The following LRP8 variants were observed in gnomAD, a reference collection of about 807,000 sequenced individuals.
LRP8 encodes low-density lipoprotein receptor-related protein 8.
Under a neutral mutation model 111.6 loss-of-function variants are expected in LRP8, and 46 were observed. That is an observed-to-expected ratio of 0.41 (90% CI 0.33 to 0.53). The LOEUF is 0.53. LRP8 is among the 20% of genes least tolerant of loss of function. LRP8 has a pLI of 0.20. For missense variants in LRP8, 959 were observed against 1,297.4 expected, an observed-to-expected ratio of 0.74 and a Z score of 4.01; for synonymous variants, 464 against 511.2, an observed-to-expected ratio of 0.91 and a Z score of 1.24.
chr1:53,326,778 C>A, intron 2 of LRP8, 95 bp downstream of exon 2: 1 of 1,501,450 alleles, frequency 6.7e-7, no homozygotes, highest in South Asian at 1.3e-5. Flanking sequence ...GCGCAGGTGG[C>A]AGCGCGGCGG....
At chr1:53,319,992 C>T (rs1654292417) in intron 2 of LRP8, among the ~76,000 whole-genome samples, 1 of 152,290 alleles carries the variant, frequency 6.6e-6, no homozygotes, top group African/African-American at 2.4e-5. Flanking sequence ...TGGCCCAGTC[C>T]TGCCACTGAC....
At position 53,264,324 on chromosome 1, in the gene LRP8, C is replaced by T. The variant is rs377087056; in HGVS notation, c.1500G>A (p.Glu500=). ...VLIDEQLHSP[E]GLAVDWVHKH... ...TGTGGACCCAGTCCACTGCCAGGCCCTCTGGAGAGTGCAACTGCTCGTCAA... is the reference window on the plus strand; with the variant it reads ...TGTGGACCCAGTCCACTGCCAGGCCTTCTGGAGAGTGCAACTGCTCGTCAA... The change falls in exon 10 of 19, where the codon GAG becomes GAA. Residue 500 remains glutamate (E), a synonymous_variant. Coordinates refer to ENST00000306052, the MANE Select transcript of LRP8 (RefSeq NM_004631.5). 110 of 1,614,040 alleles carry T rather than the reference C, an allele frequency of 6.8e-5. 1 individual carries two copies. The highest frequency in any genetic ancestry group is 9.2e-5 in the Non-Finnish European group (108 of 1,180,022).
At position 53,266,768 on chromosome 1, in the gene LRP8, A is replaced by G. The variant is rs916962379; in HGVS notation, c.1253-121T>C. On this transcript the variant is annotated intron_variant, in intron 8 of 18. Transcript: ENST00000306052. The surrounding 1 kb of genome is among the most constrained non-coding windows in gnomAD (Gnocchi z 5.0). ...CATTTTCCTTAAAATAGTAGTGACA[A>G]TTCCTACTTTACAGGTTGCAGGAGC... 21 of 833,614 alleles carry G rather than the reference A, an allele frequency of 2.5e-5. 1 individual carries two copies. The Admixed American group carries it at 4.1e-4, about 16-fold the overall frequency. The allele number at this position is 833,614 out of a possible 1,614,324, so 51.6% of individuals were successfully genotyped here.
chr1:53,292,391 AT>A (rs1189628621), intron 2 of LRP8, among the ~76,000 whole-genome samples: 1 of 152,198 alleles, frequency 6.6e-6, no homozygotes, highest in Non-Finnish European at 1.5e-5. Context: ...CATGGCAGGG[AT>A]AAGAACAGCT....
Position 53,276,820 on chromosome 1 carries a change from G to A in LRP8, c.755C>T (p.Ala252Val). The change falls in exon 5 of 19, where the codon GCC (alanine) becomes GTC (valine). Residue 252 changes from alanine to valine, a missense_variant. By Grantham distance (64) the Ala-to-Val change is moderately conservative (BLOSUM62 0). Around this residue, in one of 3 missense-constraint regions of LRP8, gnomAD observed 819 missense variants for 1,097.6 expected, o/e 0.75. Transcript: ENST00000306052. ...AELCGRPGPG[A>V]TSAPAACATA... ...GGCGCAGGCGGCGGGCGCGGACGTG[G>A]CCCCGGGGCCCGGACGGCCGCAGAG... 7.9e-7 allele frequency: 1 copy of A among 1,264,224 alleles called. No individual in the cohort carries two copies. Among genetic ancestry groups the A allele is most frequent in the Non-Finnish European group, 1.0e-6 (1 of 1,002,120 alleles). The allele number at this position is 1,264,224 out of a possible 1,614,324, so 78.3% of individuals were successfully genotyped here. A position where few individuals can be genotyped will look rare whatever the true frequency, so the allele number is the denominator to read the frequency against.
In LRP8 at chr1:53,262,315, C is replaced by A; in HGVS notation, c.1775-108G>T. 6.5e-7 allele frequency: 1 copy of A among 1,530,494 alleles called. No homozygotes were observed. Among genetic ancestry groups the A allele is most frequent in the Admixed American group, 1.7e-5 (1 of 57,214 alleles). The allele number at this position is 1,530,494 out of a possible 1,614,324, so 94.8% of individuals were successfully genotyped here. ...TTCTAGGCCTCACACTGAGGCCAGC[C>A]TACGGCAACCATTAGGAAACAAAGT... On this transcript the variant is annotated intron_variant, in intron 11 of 18. Transcript: ENST00000306052. This position sits in a 1 kb window ranked among gnomAD's most constrained non-coding sequence, Gnocchi z 4.8.
At chr1:53,305,598 G>T (rs537253531) in intron 2 of LRP8, among the ~76,000 whole-genome samples, 4 of 152,202 alleles carry the variant, frequency 2.6e-5, no homozygotes, top group African/African-American at 4.8e-5. Context: ...GGCAGCCAGC[G>T]GGGCTCACAG....
rs1019472250 is a variant in LRP8, at chr1:53,264,487, T to G, written c.1428-91A>C. On this transcript the variant is annotated intron_variant, in intron 9 of 18. Transcript: ENST00000306052. Reference sequence around the variant, plus strand: ...GTGCACCCTTCCCCTCTCTTCCATCTGGGCCATGGCAATAGATTTTTAGAG... The same window carrying G: ...GTGCACCCTTCCCCTCTCTTCCATCGGGGCCATGGCAATAGATTTTTAGAG... 1.4e-5 allele frequency: 14 copies of G among 995,482 alleles called. No individual in the cohort carries two copies. The Admixed American group carries it at 2.2e-4, about 15-fold the overall frequency. 61.7% of individuals were successfully genotyped at this position (995,482 alleles called of 1,614,324 possible).
intron 2 of LRP8, among the ~76,000 whole-genome samples, chr1:53,302,188 A>T (rs956283057): frequency 1.3e-5 from 2 of 152,146 alleles, no homozygotes; most frequent in South Asian, 2.1e-4. Flanking sequence ...GCCCCGAGGA[A>T]CTATGTTTGA....
chr1:53,249,516 C>G lies in LRP8; in HGVS notation c.2717G>C (p.Cys906Ser), dbSNP rs769599345. Residue 906 changes from cysteine (C) to serine (S), a missense_variant, in exon 18 of 19, where the codon TGT (cysteine) becomes TCT (serine). Transcript: ENST00000306052. The surrounding 1 kb of genome is among the most constrained non-coding windows in gnomAD (Gnocchi z 4.1). ...SFDRPLWAEP[C>S]LGETREPEDP... Reference sequence around the variant, plus strand: ...TTCCGGTTCTCTGGTCTCCCCAAGACAGGGCTCTGCCCACAGTGGGCGATC... The same window carrying G: ...TTCCGGTTCTCTGGTCTCCCCAAGAGAGGGCTCTGCCCACAGTGGGCGATC... The G allele has an allele frequency of 1.2e-6, 2 of 1,612,664 alleles. No individual in the cohort carries two copies. The highest frequency in any genetic ancestry group is 2.2e-5 in the East Asian group (1 of 44,780).
intron 6 of LRP8, among the ~76,000 whole-genome samples, chr1:53,272,065 C>T (rs1164077835): frequency 6.6e-6 from 1 of 151,910 alleles, no homozygotes; most frequent in Non-Finnish European, 1.5e-5. Context: ...AGGATGCCCC[C>T]CCTAATGTGC....
intron 2 of LRP8, among the ~76,000 whole-genome samples, chr1:53,298,234 G>A (rs956944425): frequency 6.6e-6 from 1 of 152,216 alleles, no homozygotes; most frequent in Non-Finnish European, 1.5e-5. Context: ...GGGTATGTAG[G>A]CCTCCCTGTC....
chr1:53,327,747 C>A, intron 1 of LRP8, 42 bp downstream of exon 1: 1 of 1,439,288 alleles, frequency 6.9e-7, no homozygotes, highest in Admixed American at 2.3e-5. Flanking sequence ...TTGTTGGTGG[C>A]TAGGGCGGAG....
intron 2 of LRP8, among the ~76,000 whole-genome samples, chr1:53,295,096 A>T (rs1649450137): frequency 6.6e-6 from 1 of 152,138 alleles, no homozygotes; most frequent in Non-Finnish European, 1.5e-5. Context: ...GGAGGGCTGC[A>T]CTTGAACCCA....
At chr1:53,287,168 C>G (rs926478818) in intron 3 of LRP8, among the ~76,000 whole-genome samples, 2 of 152,182 alleles carry the variant, frequency 1.3e-5, no homozygotes, top group African/African-American at 2.4e-5. Flanking sequence ...TATGGCAACA[C>G]CAATTAAATG....
chr1:53,316,428 A>T (rs187271926), intron 2 of LRP8, among the ~76,000 whole-genome samples: 2 of 152,354 alleles, frequency 1.3e-5, no homozygotes, highest in Admixed American at 1.3e-4. Flanking sequence ...CACAAAAATA[A>T]GTAGGTGTAA....
At chr1:53,290,334 G>A (rs1658516687) in intron 2 of LRP8, among the ~76,000 whole-genome samples, 1 of 152,108 alleles carries the variant, frequency 6.6e-6, no homozygotes, top group African/African-American at 2.4e-5. Flanking sequence ...TGACCTTGAG[G>A]ATGTTCCTTA....
At chr1:53,287,315 G>A (rs895292033) in intron 3 of LRP8, among the ~76,000 whole-genome samples, 4 of 152,180 alleles carry the variant, frequency 2.6e-5, no homozygotes, top group African/African-American at 7.2e-5. Context: ...GCAGTCTTCC[G>A]CCTTGCCTAC....
At chr1:53,322,368 A>G (rs967631962) in intron 2 of LRP8, among the ~76,000 whole-genome samples, 2 of 152,158 alleles carry the variant, frequency 1.3e-5, no homozygotes, top group Non-Finnish European at 2.9e-5. Context: ...TTCCTAGAGG[A>G]GGTGACACCT....
Sources: gnomAD v4.1 joint callset for allele counts (sites outside exome capture counted in the v4.1 genomes callset) on GRCh38, gnomAD v4.1.1 for gene constraint, gnomAD v4.1.1 regional missense constraint, Gnocchi (gnomAD v3.1) non-coding constraint, MANE v1.5 for transcripts, NCBI Gene and HGNC (gene_info 2026-07-23, HGNC 2026-07-21) for gene names.